NRXN1: variants seen among roughly 807,000 people sequenced by gnomAD.
NRXN1 encodes neurexin-1.
Under a neutral mutation model 150.9 loss-of-function variants are expected in NRXN1, and 39 were observed. The observed-to-expected ratio is 0.26, with a 90% confidence interval of 0.20 to 0.34. NRXN1 has a LOEUF of 0.34. Among genes scored for constraint, NRXN1 ranks in the 10% least tolerant of loss-of-function variants. NRXN1 has a pLI of 1.00. For synonymous variants in NRXN1, 924 were observed against 757.0 expected (o/e 1.22, Z -3.62); for missense variants, 1,815 against 1,949.9 (o/e 0.93, Z 1.30).
chr2:50,135,767 G>T lies in NRXN1; in HGVS notation c.3547-44273C>A, dbSNP rs139187092. 1.6e-3 allele frequency among the ~76,000 whole-genome samples: 242 copies of T among 152,252 alleles called. 3 individuals carry two copies. The East Asian group carries it at 0.026, about 16-fold the overall frequency. ...CCAATAATGTCTGAGCAAAATGGAG[G>T]CCATGATTATTTTGGCTGTAGTGTT... is the stretch of plus-strand genomic sequence containing the variant. On this transcript the variant is annotated intron_variant, in intron 18 of 22. Coordinates refer to ENST00000401669, the MANE Select transcript of NRXN1 (RefSeq NM_001330078.2).
intron 18 of NRXN1, among the ~76,000 whole-genome samples, chr2:50,103,220 C>T (rs575255234): frequency 1.3e-5 from 2 of 152,070 alleles, no homozygotes; most frequent in African/African-American, 4.8e-5. Flanking sequence ...ATTCTACGCT[C>T]ATATTTCTAA....
intron 5 of NRXN1, among the ~76,000 whole-genome samples, chr2:50,674,420 T>C (rs888943609): frequency 2.6e-5 from 4 of 152,098 alleles, no homozygotes; most frequent in African/African-American, 9.7e-5. Flanking sequence ...CAAGGAGGCC[T>C]TCTCTCCATT....
intron 17 of NRXN1, among the ~76,000 whole-genome samples, chr2:50,448,988 C>T (rs899336318): frequency 6.6e-6 from 1 of 152,168 alleles, no homozygotes; most frequent in Non-Finnish European, 1.5e-5. Flanking sequence ...GACTGACTCT[C>T]ACATTATTAC....
At chr2:50,946,265 G>C (rs1365830441) in intron 2 of NRXN1, among the ~76,000 whole-genome samples, 1 of 152,068 alleles carries the variant, frequency 6.6e-6, no homozygotes, top group African/African-American at 2.4e-5. Flanking sequence ...ATGAGCATTA[G>C]TACTAAAGAG....
At chr2:50,767,621 C>A (rs907022684) in intron 5 of NRXN1, among the ~76,000 whole-genome samples, 4 of 151,984 alleles carry the variant, frequency 2.6e-5, no homozygotes, top group Non-Finnish European at 5.9e-5. Flanking sequence ...TCAAGTTGAC[C>A]TGGAAATCTC....
chr2:50,769,506 G>A (rs1288646257), intron 5 of NRXN1, among the ~76,000 whole-genome samples: 2 of 152,002 alleles, frequency 1.3e-5, no homozygotes, highest in South Asian at 4.1e-4. Flanking sequence ...AAAAGAGATG[G>A]GAGCGAGAAA....
At chr2:50,322,605 CAG>C (rs2076123686) in intron 17 of NRXN1, among the ~76,000 whole-genome samples, 1 of 152,136 alleles carries the variant, frequency 6.6e-6, no homozygotes, top group African/African-American at 2.4e-5. Context: ...TGAGTAGAGA[CAG>C]AATATGAATT....
chr2:50,405,232 G>A (rs958129842), intron 17 of NRXN1, among the ~76,000 whole-genome samples: 1 of 152,094 alleles, frequency 6.6e-6, no homozygotes, highest in Admixed American at 6.6e-5. Context: ...ATGCATCACA[G>A]AAAAGTTTCC....
intron 8 of NRXN1, among the ~76,000 whole-genome samples, chr2:50,614,663 TA>T (rs200940287): frequency 1.1e-3 from 82 of 75,962 alleles, no homozygotes; most frequent in South Asian, 5.8e-3. Flanking sequence ...ATATATAAAA[TA>T]AAAAAAAAAC....
intron 5 of NRXN1, among the ~76,000 whole-genome samples, chr2:50,848,949 C>A (rs1337777833): frequency 6.6e-6 from 1 of 152,140 alleles, no homozygotes; most frequent in Non-Finnish European, 1.5e-5. Context: ...AAAGCAGGTC[C>A]CAGGCGATTC....
intron 21 of NRXN1, among the ~76,000 whole-genome samples, chr2:49,980,513 G>T (rs1037891686): frequency 6.6e-6 from 1 of 152,144 alleles, no homozygotes; most frequent in African/African-American, 2.4e-5. Context: ...TAGCTTCACA[G>T]CAGAGAGGAA....
chr2:50,730,952 C>A (rs1011199716), intron 5 of NRXN1, among the ~76,000 whole-genome samples: 1 of 152,146 alleles, frequency 6.6e-6, no homozygotes, highest in Non-Finnish European at 1.5e-5. Flanking sequence ...GGATTACAGG[C>A]GTGAGCCACC....
chr2:50,024,405 G>T (rs1468908623), intron 21 of NRXN1, among the ~76,000 whole-genome samples: 1 of 152,124 alleles, frequency 6.6e-6, no homozygotes, highest in Non-Finnish European at 1.5e-5. Context: ...TTTCCCCTTG[G>T]TCTTATGCCC....
intron 2 of NRXN1, among the ~76,000 whole-genome samples, chr2:50,935,404 GA>G (rs1326614894): frequency 3.9e-5 from 6 of 152,122 alleles, no homozygotes; most frequent in African/African-American, 1.4e-4. Flanking sequence ...GAACCAATGA[GA>G]AGGCAAATAA....
intron 5 of NRXN1, among the ~76,000 whole-genome samples, chr2:50,761,157 C>G (rs981026978): frequency 1.3e-5 from 2 of 151,462 alleles, no homozygotes; most frequent in Admixed American, 1.3e-4. Flanking sequence ...TTTCTAGCCC[C>G]TTTTTGGGTT....
intron 5 of NRXN1, among the ~76,000 whole-genome samples, chr2:50,704,371 G>A (rs1178248127): frequency 6.6e-6 from 1 of 151,870 alleles, no homozygotes; most frequent in Non-Finnish European, 1.5e-5. Context: ...GGAGTAGGAA[G>A]TTTGCATTAC....
intron 8 of NRXN1, among the ~76,000 whole-genome samples, chr2:50,590,117 A>G (rs1318140812): frequency 1.3e-5 from 2 of 152,228 alleles, no homozygotes; most frequent in Non-Finnish European, 2.9e-5. Flanking sequence ...GTAAGTTTTA[A>G]AACACCTTGT....
intron 18 of NRXN1, among the ~76,000 whole-genome samples, chr2:50,141,248 A>G (rs1160195352): frequency 6.6e-6 from 1 of 152,086 alleles, no homozygotes. Context: ...GGAAACCTGG[A>G]TATCTATATG....
intron 8 of NRXN1, among the ~76,000 whole-genome samples, chr2:50,572,547 C>G (rs1248604833): frequency 1.3e-5 from 2 of 152,132 alleles, no homozygotes; most frequent in Non-Finnish European, 2.9e-5. Flanking sequence ...GTATGCATTG[C>G]AGCCATTATC....
Sources: allele counts gnomAD v4.1 joint callset (sites outside exome capture counted in the v4.1 genomes callset), GRCh38; gene constraint gnomAD v4.1.1; transcripts MANE v1.5; gene names NCBI Gene and HGNC (gene_info 2026-07-23, HGNC 2026-07-21).